TMCC1: variants seen among roughly 807,000 people sequenced by gnomAD.
The protein encoded by TMCC1 is transmembrane and coiled-coil domains protein 1.
In TMCC1, 15 loss-of-function variants were observed where a neutral mutation model predicts 52.4. The observed-to-expected ratio is 0.29, with a 90% confidence interval of 0.19 to 0.44. TMCC1 has a LOEUF of 0.44. Among genes scored for constraint, TMCC1 ranks in the 20% least tolerant of loss-of-function variants. TMCC1 has a pLI of 1.00. For synonymous variants in TMCC1, 279 were observed against 301.9 expected, an observed-to-expected ratio of 0.92 and a Z score of 0.79; for missense variants, 503 against 806.0, an observed-to-expected ratio of 0.62 and a Z score of 4.55.
chr3:129,890,918 G>C (rs1332050809), intron 1 of TMCC1, among the ~76,000 whole-genome samples: 1 of 152,220 alleles, frequency 6.6e-6, no homozygotes, highest in Non-Finnish European at 1.5e-5. Flanking sequence ...CATGGGTACT[G>C]TAAGGCAGGA....
At chr3:129,690,640 A>ACATAT (rs1190604704) in intron 4 of TMCC1, among the ~76,000 whole-genome samples, 1 of 152,120 alleles carries the variant, frequency 6.6e-6, no homozygotes, top group African/African-American at 2.4e-5. Flanking sequence ...GCTAATGTGA[A>ACATAT]GCTCTTTTAT....
chr3:129,822,601 G>T (rs2058472632), intron 4 of TMCC1, among the ~76,000 whole-genome samples: 1 of 152,150 alleles, frequency 6.6e-6, no homozygotes, highest in Admixed American at 6.5e-5. Flanking sequence ...CTGCTTGAAA[G>T]AACTGGTGTT....
At chr3:129,816,262 TCAAA>T (rs2058091855) in intron 4 of TMCC1, among the ~76,000 whole-genome samples, 1 of 152,126 alleles carries the variant, frequency 6.6e-6, no homozygotes, top group Non-Finnish European at 1.5e-5. Flanking sequence ...AATCAAGATA[TCAAA>T]CAGACATCTG....
rs61183742 is a variant in TMCC1, at chr3:129,697,808, G to C, written c.577-26544C>G. 5.3e-5 allele frequency among the ~76,000 whole-genome samples: 8 copies of C among 152,194 alleles called. 2 individuals carry two copies. The highest frequency in any genetic ancestry group is 5.2e-4 in the Admixed American group (8 of 15,278). ...CATAACAAGAGTCACCTTTGCTCTC[G>C]TTGTCAACAAGTTCCTCATCTTCAT... On this transcript the variant is annotated intron_variant, in intron 4 of 6. Transcript: ENST00000393238.
chr3:129,809,898 C>A (rs1398186249), intron 4 of TMCC1, among the ~76,000 whole-genome samples: 3 of 152,052 alleles, frequency 2.0e-5, no homozygotes, highest in Non-Finnish European at 4.4e-5. Flanking sequence ...TAAATAAGGA[C>A]CCTGATTTTA....
chr3:129,819,319 G>A (rs527988991), intron 4 of TMCC1, among the ~76,000 whole-genome samples: 15 of 151,826 alleles, frequency 9.9e-5, no homozygotes, highest in African/African-American at 2.9e-4. Context: ...CTGACCTCAG[G>A]TGATCCGCCC....
At position 129,653,681 on chromosome 3, in the gene TMCC1, G is replaced by A. The variant is rs1012583281; in HGVS notation, c.1647+1287C>T. ...TCTTGATCTCCTGACCTTGTGATCC[G>A]CCCGCCTCGGCCTCCCAAAATCCCA... On this transcript the variant is annotated intron_variant, in intron 6 of 6. Coordinates refer to ENST00000393238, the MANE Select transcript of TMCC1 (RefSeq NM_001017395.5). Among the ~76,000 whole-genome samples, 4 of 152,020 alleles carry A rather than the reference G, an allele frequency of 2.6e-5. 1 individual carries two copies. The highest frequency in any genetic ancestry group is 4.2e-4 in the South Asian group (2 of 4,814).
chr3:129,868,436 G>GTTTCT (rs1164361354), intron 2 of TMCC1, among the ~76,000 whole-genome samples: 4 of 152,206 alleles, frequency 2.6e-5, no homozygotes, highest in Non-Finnish European at 5.9e-5. Flanking sequence ...GCATTTAGCT[G>GTTTCT]TTTCTTTTCT....
At chr3:129,723,912 A>T (rs75571021) in intron 4 of TMCC1, among the ~76,000 whole-genome samples, 1 of 141,434 alleles carries the variant, frequency 7.1e-6, no homozygotes, top group Admixed American at 7.1e-5. Flanking sequence ...TCAGGATGAG[A>T]TTTTTTTTTT....
intron 1 of TMCC1, among the ~76,000 whole-genome samples, chr3:129,882,453 T>C (rs1427747468): frequency 2.0e-5 from 3 of 152,004 alleles, no homozygotes; most frequent in Non-Finnish European, 4.4e-5. Context: ...GAAAACAGTA[T>C]GGAAGTCCTA....
At chr3:129,753,340 A>C (rs2052699762) in intron 4 of TMCC1, among the ~76,000 whole-genome samples, 1 of 152,220 alleles carries the variant, frequency 6.6e-6, no homozygotes, top group Non-Finnish European at 1.5e-5. Flanking sequence ...GGCAGTAATA[A>C]AGAAATCAAG....
chr3:129,872,268 T>G (rs928057378), intron 2 of TMCC1, among the ~76,000 whole-genome samples: 1 of 152,042 alleles, frequency 6.6e-6, no homozygotes, highest in Non-Finnish European at 1.5e-5. Context: ...ACACTTGGAG[T>G]GAGGGGCAGC....
intron 4 of TMCC1, among the ~76,000 whole-genome samples, chr3:129,796,068 T>C (rs969771170): frequency 6.6e-6 from 1 of 152,222 alleles, no homozygotes; most frequent in Non-Finnish European, 1.5e-5. Flanking sequence ...GTAACCCACA[T>C]GACATTTCAG....
chr3:129,722,328 A>G (rs1449437562), intron 4 of TMCC1, among the ~76,000 whole-genome samples: 1 of 152,106 alleles, frequency 6.6e-6, no homozygotes, highest in Non-Finnish European at 1.5e-5. Context: ...GCTCCTTATG[A>G]TAATCTAACT....
chr3:129,855,686 A>G (rs1203588566), intron 2 of TMCC1, among the ~76,000 whole-genome samples: 1 of 152,140 alleles, frequency 6.6e-6, no homozygotes, highest in African/African-American at 2.4e-5. Flanking sequence ...AAAACCCCAC[A>G]TGACTTCACA....
At chr3:129,812,332 GTC>G (rs2057860110) in intron 4 of TMCC1, among the ~76,000 whole-genome samples, 2 of 52,742 alleles carry the variant, frequency 3.8e-5, no homozygotes, top group African/African-American at 8.1e-5. Context: ...GCAAGACTCT[GTC>G]TCAAAAAAAA....
At chr3:129,722,346 G>A (rs1490788417) in intron 4 of TMCC1, among the ~76,000 whole-genome samples, 1 of 152,128 alleles carries the variant, frequency 6.6e-6, no homozygotes, top group Non-Finnish European at 1.5e-5. Flanking sequence ...ACTAATGCCT[G>A]ATGACCTGAG....
intron 4 of TMCC1, among the ~76,000 whole-genome samples, chr3:129,816,557 C>T (rs1255921998): frequency 6.6e-6 from 1 of 151,880 alleles, no homozygotes. Flanking sequence ...AAAGAGTAGA[C>T]TAGTGGTTAC....
chr3:129,770,544 C>T (rs1241052026), intron 4 of TMCC1, among the ~76,000 whole-genome samples: 2 of 151,534 alleles, frequency 1.3e-5, no homozygotes, highest in African/African-American at 2.4e-5. Context: ...CACCACTGTA[C>T]TCCAGCCTGG....
Sources: allele counts gnomAD v4.1 joint callset (sites outside exome capture counted in the v4.1 genomes callset), GRCh38; gene constraint gnomAD v4.1.1; transcripts MANE v1.5; gene names NCBI Gene and HGNC (gene_info 2026-07-23, HGNC 2026-07-21).